FAT3: variants seen among roughly 807,000 people sequenced by gnomAD.
FAT3 encodes the protein FAT atypical cadherin 3, also known as protocadherin Fat 3.
In FAT3, 95 loss-of-function variants were observed where a neutral mutation model predicts 310.2. The observed-to-expected ratio is 0.31, with a 90% CI of 0.26 to 0.36. The LOEUF is 0.36. Among genes scored for constraint, FAT3 ranks in the 10% least tolerant of loss-of-function variants. The pLI, the probability that FAT3 is intolerant of heterozygous loss-of-function variation, is 1.00. For missense variants in FAT3, 5,408 were observed against 5,715.6 expected (o/e 0.95, Z 1.74); for synonymous variants, 2,314 against 2,192.9 (o/e 1.06, Z -1.54).
At chr11:92,777,097 G>A (rs1238111536) in intron 7 of FAT3, among the ~76,000 whole-genome samples, 5 of 152,174 alleles carry the variant, frequency 3.3e-5, no homozygotes, top group African/African-American at 9.7e-5. Context: ...ATGACGCTGG[G>A]CAACTTAATG....
chr11:92,850,557 C>T (rs1263488401), intron 19 of FAT3, among the ~76,000 whole-genome samples: 1 of 152,166 alleles, frequency 6.6e-6, no homozygotes, highest in Non-Finnish European at 1.5e-5. Flanking sequence ...AAACTTCTCA[C>T]AGGCCATGAA....
At chr11:92,687,758 TG>T (rs1308979836) in intron 3 of FAT3, among the ~76,000 whole-genome samples, 1 of 152,114 alleles carries the variant, frequency 6.6e-6, no homozygotes, top group Non-Finnish European at 1.5e-5. Context: ...GGTGGCCAGA[TG>T]GGGCTAGGCA....
chr11:92,857,421 C>T (rs1349365531), intron 20 of FAT3, 73 bp downstream of exon 20: 1 of 1,580,156 alleles, frequency 6.3e-7, no homozygotes, highest in Non-Finnish European at 8.6e-7. Flanking sequence ...TAAATTACAC[C>T]ATCCAAGTCC....
chr11:92,605,729 T>TTTTG (rs1357022799), intron 3 of FAT3, among the ~76,000 whole-genome samples: 2 of 149,164 alleles, frequency 1.3e-5, no homozygotes, highest in African/African-American at 5.0e-5. Flanking sequence ...GTTTTTTTTT[T>TTTTG]TTTTTTTTTT....
chr11:92,764,282 G>A (rs1434751250), intron 5 of FAT3, among the ~76,000 whole-genome samples: 1 of 152,078 alleles, frequency 6.6e-6, no homozygotes. Flanking sequence ...CAAAACTGAA[G>A]GGCCTCAAGG....
In FAT3 at chr11:92,325,788, C is replaced by T. The variant is rs547539841; in HGVS notation, c.-17-26308C>T. 7.2e-5 allele frequency among the ~76,000 whole-genome samples: 11 copies of T among 152,256 alleles called. No individual in the cohort carries two copies. In the East Asian group the frequency reaches 9.7e-4, roughly 13 times the overall value. Reference sequence around the variant, plus strand: ...CTGGGACTACAGGCATGCATCACCACGCCCAGCTAATTTTTGTATTTTTAG... The same window carrying T: ...CTGGGACTACAGGCATGCATCACCATGCCCAGCTAATTTTTGTATTTTTAG... On this transcript the variant is annotated intron_variant, in intron 1 of 27. Transcript: ENST00000525166.
In FAT3 at chr11:92,766,426, C is replaced by A. The variant is rs1946314638; in HGVS notation, c.4195+1337C>A. On this transcript the variant is annotated intron_variant, in intron 6 of 27. Coordinates refer to ENST00000525166, the MANE Select transcript of FAT3 (RefSeq NM_001367949.2). ...TAGGATGGGCAGGAACCTGCCTCTCCCCCCCAGGAATGGCTGTACTTGGGA... is the reference window on the plus strand; with the variant it reads ...TAGGATGGGCAGGAACCTGCCTCTCACCCCCAGGAATGGCTGTACTTGGGA... 2.0e-5 allele frequency among the ~76,000 whole-genome samples: 3 copies of A among 152,232 alleles called. No homozygotes were observed. In the South Asian group the frequency reaches 6.2e-4, roughly 32 times the overall value.
Position 92,224,891 on chromosome 11 carries a change from G to A in FAT3, c.-301G>A, listed in dbSNP as rs1005078709. On this transcript the variant is annotated 5_prime_UTR_variant, in exon 1 of 28. Transcript: ENST00000525166. ...CTCCCCGCAGGCTGCGCTGTGAACTGGCCTGCGGATTGGGATCTCGCGCCT... is the reference window on the plus strand; with the variant it reads ...CTCCCCGCAGGCTGCGCTGTGAACTAGCCTGCGGATTGGGATCTCGCGCCT... Among the ~76,000 whole-genome samples, 2 of 152,136 alleles carry A rather than the reference G, an allele frequency of 1.3e-5. No homozygotes were observed. The highest frequency in any genetic ancestry group is 2.9e-5 in the Non-Finnish European group (2 of 68,012).
chr11:92,784,683 T>C (rs2136142602), intron 7 of FAT3, among the ~76,000 whole-genome samples: 1 of 152,312 alleles, frequency 6.6e-6, no homozygotes, highest in South Asian at 2.1e-4. Flanking sequence ...TTGCTTTGTT[T>C]GTTAGTTCGG....
At chr11:92,368,722 G>T (rs1238600539) in intron 2 of FAT3, among the ~76,000 whole-genome samples, 1 of 151,840 alleles carries the variant, frequency 6.6e-6, no homozygotes, top group Non-Finnish European at 1.5e-5. Context: ...ACCAGTTTTT[G>T]TCTTAATTCC....
chr11:92,809,975 AC>A lies in FAT3; in HGVS notation c.9386del (p.Pro3129LeufsTer22). ...IHLILEDVND[N>X]PPVFSSDHYN... ...CTAATCCTGGAGGATGTGAATGATA[AC>A]CCCCCTGTGTTTTCTTCTGACCACT... On this transcript the variant is annotated frameshift_variant, in exon 13 of 28. Coordinates refer to ENST00000525166, the MANE Select transcript of FAT3 (RefSeq NM_001367949.2). LOFTEE classifies it high-confidence loss of function. 6.2e-7 allele frequency: 1 copy of A among 1,613,588 alleles called. No homozygotes were observed. Among genetic ancestry groups the A allele is most frequent in the Non-Finnish European group, 8.5e-7 (1 of 1,179,756 alleles).
chr11:92,247,359 A>T (rs1169773023), intron 1 of FAT3, among the ~76,000 whole-genome samples: 3 of 151,564 alleles, frequency 2.0e-5, no homozygotes, highest in African/African-American at 7.3e-5. Context: ...AGGGCTCCCG[A>T]ATCCCTGCTC....
intron 1 of FAT3, among the ~76,000 whole-genome samples, chr11:92,315,455 ATG>A (rs1157835093): frequency 0.029 from 3,075 of 106,902 alleles, 40 homozygotes; most frequent in African/African-American, 0.071. Context: ...GTGTATATAT[ATG>A]TGTGTGTGTG....
intron 1 of FAT3, among the ~76,000 whole-genome samples, chr11:92,261,017 A>T (rs1865530166): frequency 6.6e-6 from 1 of 152,112 alleles, no homozygotes; most frequent in African/African-American, 2.4e-5. Context: ...ATAGTTTATT[A>T]TAGGGCAGAG....
At chr11:92,485,949 C>G (rs1386657276) in intron 2 of FAT3, among the ~76,000 whole-genome samples, 1 of 151,956 alleles carries the variant, frequency 6.6e-6, no homozygotes, top group Non-Finnish European at 1.5e-5. Context: ...GCATATTCTG[C>G]ATGCAGGAAA....
At chr11:92,553,761 TTC>T (rs1437879315) in intron 3 of FAT3, among the ~76,000 whole-genome samples, 21 of 150,072 alleles carry the variant, frequency 1.4e-4, no homozygotes, top group Admixed American at 1.2e-3. Context: ...CTCTCTCTCT[TTC>T]TCTCTTTCTT....
chr11:92,863,606 A>T (rs1440559730), intron 21 of FAT3, among the ~76,000 whole-genome samples: 1 of 152,198 alleles, frequency 6.6e-6, no homozygotes, highest in Non-Finnish European at 1.5e-5. Flanking sequence ...CTAGCAAATC[A>T]TTTCAGTATC....
chr11:92,338,011 T>C (rs1948139012), intron 1 of FAT3, among the ~76,000 whole-genome samples: 1 of 152,272 alleles, frequency 6.6e-6, no homozygotes, highest in African/African-American at 2.4e-5. Flanking sequence ...AACACAACAA[T>C]AGAAATCTAT....
chr11:92,891,769 C>G lies in FAT3; in HGVS notation c.*656C>G, dbSNP rs1265750690. ...ATCTAATATAGTTGGGTTTTATGAT[C>G]TTCAAGAAAGGTATCAATGAAGAGC... On this transcript the variant is annotated 3_prime_UTR_variant, in exon 28 of 28. Coordinates refer to ENST00000525166, the MANE Select transcript of FAT3 (RefSeq NM_001367949.2). 6.5e-6 allele frequency: 1 copy of G among 152,786 alleles called. No individual in the cohort carries two copies. Among genetic ancestry groups the G allele is most frequent in the East Asian group, 1.9e-4 (1 of 5,202 alleles). 9.5% of individuals were successfully genotyped at this position (152,786 alleles called of 1,614,324 possible). A position where few individuals can be genotyped will look rare whatever the true frequency, so the allele number is the denominator to read the frequency against.
Sources: gnomAD v4.1 joint callset for allele counts (sites outside exome capture counted in the v4.1 genomes callset) on GRCh38, gnomAD v4.1.1 for gene constraint, MANE v1.5 for transcripts, NCBI Gene and HGNC (gene_info 2026-07-23, HGNC 2026-07-21) for gene names.